EYA2: variants seen among roughly 807,000 people sequenced by gnomAD.
EYA2 encodes protein phosphatase EYA2.
A neutral mutation model predicts 69.2 loss-of-function variants in EYA2; 31 were observed. The ratio of observed to expected loss-of-function variants is 0.45; its 90% CI spans 0.34 to 0.60. The LOEUF is 0.60. Among genes scored for constraint, EYA2 ranks in the 20% least tolerant of loss-of-function variants. The pLI is 0.02. For synonymous variants in EYA2, 257 were observed against 279.4 expected (o/e 0.92, Z 0.80); for missense variants, 622 against 701.2 (o/e 0.89, Z 1.28).
At chr20:47,084,834 CTTTTTT>C (rs34290555) in intron 7 of EYA2, among the ~76,000 whole-genome samples, 3 of 112,446 alleles carry the variant, frequency 2.7e-5, no homozygotes, top group Non-Finnish European at 1.9e-5. Flanking sequence ...CTGTTTCTTT[CTTTTTT>C]TTTTTTTTTT....
chr20:47,114,027 C>G (rs2032823979), intron 9 of EYA2, among the ~76,000 whole-genome samples: 1 of 152,162 alleles, frequency 6.6e-6, no homozygotes, highest in Non-Finnish European at 1.5e-5. Flanking sequence ...TCTGTTTGTT[C>G]CATGACTCTT....
At chr20:46,958,766 C>G (rs570670582) in intron 1 of EYA2, among the ~76,000 whole-genome samples, 1 of 152,296 alleles carries the variant, frequency 6.6e-6, no homozygotes, top group African/African-American at 2.4e-5. Context: ...TCACTTAGCT[C>G]GCACCTATTA....
chr20:46,968,936 T>G (rs1370325164), intron 1 of EYA2, among the ~76,000 whole-genome samples: 1 of 152,198 alleles, frequency 6.6e-6, no homozygotes, highest in Non-Finnish European at 1.5e-5. Context: ...ATCTCATGGG[T>G]TATTTTAAGG....
chr20:47,055,182 C>G (rs2030544097), intron 5 of EYA2, among the ~76,000 whole-genome samples: 1 of 152,216 alleles, frequency 6.6e-6, no homozygotes, highest in Non-Finnish European at 1.5e-5. Context: ...CGTGATGCAT[C>G]CCTGCCAAAT....
rs370157061 is a variant in EYA2 at position 47,111,893 on chromosome 20, G to A, written c.888+14725G>A. Among the ~76,000 whole-genome samples, 14 of 152,298 alleles carry A rather than the reference G, an allele frequency of 9.2e-5. No homozygotes were observed. In the East Asian group the frequency reaches 2.3e-3, roughly 25 times the overall value. ...AATAAAAACCATTCACTTTTGAGAAGCCGAGGTGGGCAGATCACTTGAGCC... is the reference window on the plus strand; with the variant it reads ...AATAAAAACCATTCACTTTTGAGAAACCGAGGTGGGCAGATCACTTGAGCC... On this transcript the variant is annotated intron_variant, in intron 9 of 15. Transcript: ENST00000327619.
intron 1 of EYA2, among the ~76,000 whole-genome samples, chr20:46,916,436 A>G (rs1984908847): frequency 6.6e-6 from 1 of 151,828 alleles, no homozygotes; most frequent in Admixed American, 6.6e-5. Context: ...GAATATGTGT[A>G]GGTGCTTAAG....
rs533564569 is a variant in EYA2, at chr20:46,986,457, T to C, written c.-10-3544T>C. Reference sequence around the variant, plus strand: ...ATAATATATCTAATGTGTATATATATACATTAGATATATAGAGATATATAT... The same window carrying C: ...ATAATATATCTAATGTGTATATATACACATTAGATATATAGAGATATATAT... On this transcript the variant is annotated intron_variant, in intron 1 of 15. Transcript: ENST00000327619. Among the ~76,000 whole-genome samples, 33 of 23,958 alleles carry C rather than the reference T, an allele frequency of 1.4e-3. 3 individuals are homozygous for C. In the South Asian group the frequency reaches 0.054, roughly 39 times the overall value. 15.7% of individuals were successfully genotyped at this position (23,958 alleles called of 152,430 possible).
chr20:46,994,161 G>A (rs1981863936), intron 2 of EYA2, among the ~76,000 whole-genome samples: 1 of 152,154 alleles, frequency 6.6e-6, no homozygotes, highest in African/African-American at 2.4e-5. Flanking sequence ...ACTTCCCCCT[G>A]CCTCATTTTC....
chr20:46,921,342 A>G (rs1344244221), intron 1 of EYA2, among the ~76,000 whole-genome samples: 1 of 152,282 alleles, frequency 6.6e-6, no homozygotes, highest in Non-Finnish European at 1.5e-5. Context: ...GTTTACAAAC[A>G]GTCTCCACAT....
At chr20:46,988,385 G>A (rs1169450410) in intron 1 of EYA2, among the ~76,000 whole-genome samples, 1 of 151,980 alleles carries the variant, frequency 6.6e-6, no homozygotes, top group Admixed American at 6.6e-5. Context: ...TTTTGACTTA[G>A]AGCAGTTTGG....
chr20:46,987,955 T>TCTCTCTCTCTCTCTCTCC (rs1981365364), intron 1 of EYA2, among the ~76,000 whole-genome samples: 1 of 53,120 alleles, frequency 1.9e-5, no homozygotes, highest in East Asian at 5.5e-4. Context: ...TCTCTCTCTC[T>TCTCTCTCTCTCTCTCTCC]CTCTCTCTCT....
intron 6 of EYA2, among the ~76,000 whole-genome samples, chr20:47,073,763 G>T (rs2031404477): frequency 6.6e-6 from 1 of 151,992 alleles, no homozygotes; most frequent in African/African-American, 2.4e-5. Flanking sequence ...AAGCCCCCTG[G>T]GTGCAGCTCT....
intron 9 of EYA2, among the ~76,000 whole-genome samples, chr20:47,118,238 C>G (rs137882418): frequency 6.6e-6 from 1 of 152,248 alleles, no homozygotes; most frequent in Admixed American, 6.5e-5. Context: ...TCTCTCTTCC[C>G]CCTTCCCTCT....
intron 1 of EYA2, among the ~76,000 whole-genome samples, chr20:46,946,619 A>G (rs1328096436): frequency 6.6e-6 from 1 of 152,134 alleles, no homozygotes; most frequent in African/African-American, 2.4e-5. Context: ...CCATGTCATA[A>G]ATATTTTTGG....
chr20:47,058,532 A>G (rs1280530337), intron 5 of EYA2, among the ~76,000 whole-genome samples: 1 of 152,202 alleles, frequency 6.6e-6, no homozygotes, highest in Non-Finnish European at 1.5e-5. Flanking sequence ...TGGGGGAGTC[A>G]GTAGGAGAGA....
At chr20:46,936,473 T>C (rs1005540184) in intron 1 of EYA2, among the ~76,000 whole-genome samples, 1 of 152,022 alleles carries the variant, frequency 6.6e-6, no homozygotes, top group Admixed American at 6.6e-5. Context: ...TCCGTCTCAA[T>C]AAAAATAAAT....
intron 1 of EYA2, among the ~76,000 whole-genome samples, chr20:46,989,568 G>A (rs1458458479): frequency 6.6e-6 from 1 of 152,178 alleles, no homozygotes; most frequent in African/African-American, 2.4e-5. Flanking sequence ...CACCCGGCCT[G>A]TTTTTCTCTC....
At chr20:46,999,830 C>T (rs745932832) in intron 2 of EYA2, among the ~76,000 whole-genome samples, 2 of 152,186 alleles carry the variant, frequency 1.3e-5, no homozygotes, top group Admixed American at 1.3e-4. Context: ...ACTTGACCTT[C>T]GGAGCCCCGG....
Position 47,135,834 on chromosome 20 carries a change from AAAAAAAACAAACAAACAAAC to A in EYA2, c.889-7218_889-7199del, listed in dbSNP as rs1379354129. On this transcript the variant is annotated intron_variant, in intron 9 of 15. Coordinates refer to ENST00000327619, the MANE Select transcript of EYA2 (RefSeq NM_005244.5). ...CTGTCTCTACAAAAAAAAAAAAAAA[AAAAAAAACAAACAAACAAAC>A]AAAAAACTAATTAATTAATTAATTA... Among the ~76,000 whole-genome samples the A allele has an allele frequency of 1.7e-3, 143 of 83,114 alleles. 4 individuals carry two copies. Among genetic ancestry groups the A allele is most frequent in the African/African-American group, 9.8e-3 (129 of 13,114 alleles). The allele number at this position is 83,114 out of a possible 152,430, so 54.5% of individuals were successfully genotyped here. A position where few individuals can be genotyped will look rare whatever the true frequency, so the allele number is the denominator to read the frequency against.
Sources: gnomAD v4.1 joint callset for allele counts (sites outside exome capture counted in the v4.1 genomes callset) on GRCh38, gnomAD v4.1.1 for gene constraint, MANE v1.5 for transcripts, NCBI Gene and HGNC (gene_info 2026-07-23, HGNC 2026-07-21) for gene names.